The following RRAS2 variants were observed in gnomAD, a reference collection of about 807,000 sequenced individuals.
RRAS2 encodes ras-related protein R-Ras2.
A neutral mutation model predicts 27.6 loss-of-function variants in RRAS2; 7 were observed. That is an observed-to-expected ratio of 0.25 (90% CI 0.14 to 0.48). The LOEUF (loss-of-function observed/expected upper bound fraction) is 0.48, where lower values mean the gene tolerates loss of function less well. Among genes scored for constraint, RRAS2 ranks in the 20% least tolerant of loss-of-function variants. The probability of loss-of-function intolerance (pLI) is 0.99; values close to 1 mark genes in which losing one functional copy is unlikely to be tolerated. For missense variants in RRAS2, 178 were observed against 256.2 expected, an observed-to-expected ratio of 0.69 and a Z score of 2.08; for synonymous variants, 86 against 90.9, an observed-to-expected ratio of 0.95 and a Z score of 0.31.
At chr11:14,281,109 A>C (rs1458444740) in intron 5 of RRAS2, among the ~76,000 whole-genome samples, 1 of 152,226 alleles carries the variant, frequency 6.6e-6, no homozygotes, top group Non-Finnish European at 1.5e-5. Flanking sequence ...GGATAAAAAG[A>C]AAGGTAGGAG....
At chr11:14,362,346 AT>A (rs34401417), upstream of RRAS2, among the ~76,000 whole-genome samples, 5 of 151,954 alleles carry the variant, frequency 3.3e-5, no homozygotes, top group African/African-American at 7.3e-5. Flanking sequence ...CTATTCCTTT[AT>A]TTTTTTTATT....
intron 1 of RRAS2, among the ~76,000 whole-genome samples, chr11:14,343,325 T>A (rs1444261529): frequency 6.6e-6 from 1 of 152,214 alleles, no homozygotes; most frequent in Non-Finnish European, 1.5e-5. Context: ...AAGTTTTCCA[T>A]ACTATTTTCA....
In RRAS2 at chr11:14,358,905, G is replaced by T; in HGVS notation, c.-35C>A. Reference sequence around the variant, plus strand: ...ACAGAGCCCAGCCTGACTGCGCCGAGCCGCCGCTGCCGCCCGCCCTAGGCC... The same window carrying T: ...ACAGAGCCCAGCCTGACTGCGCCGATCCGCCGCTGCCGCCCGCCCTAGGCC... On this transcript the variant is annotated 5_prime_UTR_variant, in exon 1 of 6. Coordinates refer to ENST00000256196, the MANE Select transcript of RRAS2 (RefSeq NM_012250.6). The surrounding 1 kb of genome is among the most constrained non-coding windows in gnomAD (Gnocchi z 5.1). 1 of 1,321,302 alleles carries T rather than the reference G, an allele frequency of 7.6e-7. No homozygotes were observed. Among genetic ancestry groups the T allele is most frequent in the Non-Finnish European group, 9.8e-7 (1 of 1,024,228 alleles). 81.8% of individuals were successfully genotyped at this position (1,321,302 alleles called of 1,614,324 possible).
At position 14,294,849 on chromosome 11, in the gene RRAS2, T is replaced by C. The variant is rs781806680; in HGVS notation, c.210A>G (p.Ala70=). The stretch of plus-strand genomic sequence containing the variant: ...TCATGGCTCCAAACTCTTCTTGTCC[T>C]GCTGTATCCAAAACTAAAGAAAAAA... ...RAARLDILDT[A]GQEEFGAMRE... is the part of the protein sequence containing the mutation. Residue 70 remains alanine (A), a synonymous_variant, in exon 3 of 6, where the codon GCA becomes GCG. Coordinates refer to ENST00000256196, the MANE Select transcript of RRAS2 (RefSeq NM_012250.6). 1.7e-5 allele frequency: 28 copies of C among 1,613,392 alleles called. No individual in the cohort carries two copies. In the Admixed American group the frequency reaches 4.3e-4, roughly 25 times the overall value.
chr11:14,300,347 C>T (rs1233519140), intron 1 of RRAS2, among the ~76,000 whole-genome samples: 1 of 152,148 alleles, frequency 6.6e-6, no homozygotes, highest in Non-Finnish European at 1.5e-5. Context: ...ATTAGGGAAG[C>T]TATCACATTC....
At chr11:14,348,238 A>C (rs1848878943) in intron 1 of RRAS2, among the ~76,000 whole-genome samples, 1 of 152,188 alleles carries the variant, frequency 6.6e-6, no homozygotes, top group Non-Finnish European at 1.5e-5. Context: ...AGTAACATCA[A>C]AGATGTTGAC....
chr11:14,314,001 C>T (rs1429439555), intron 1 of RRAS2, among the ~76,000 whole-genome samples: 1 of 152,102 alleles, frequency 6.6e-6, no homozygotes, highest in Non-Finnish European at 1.5e-5. Context: ...TGTTATAAAA[C>T]AACACATCTT....
chr11:14,323,126 A>G (rs190003190), intron 1 of RRAS2, among the ~76,000 whole-genome samples: 1 of 152,242 alleles, frequency 6.6e-6, no homozygotes, highest in East Asian at 1.9e-4. Context: ...ATACGCCTAG[A>G]AAAATACAAA....
At chr11:14,303,474 T>C (rs1275086810) in intron 1 of RRAS2, among the ~76,000 whole-genome samples, 4 of 152,194 alleles carry the variant, frequency 2.6e-5, no homozygotes, top group African/African-American at 7.2e-5. Context: ...CAACAGTTCA[T>C]GCCTGTAATC....
At position 14,278,445 on chromosome 11, in the gene RRAS2, CTA is replaced by C. The variant is rs1849433577; in HGVS notation, c.*890_*891del. On this transcript the variant is annotated 3_prime_UTR_variant, in exon 6 of 6. Coordinates refer to ENST00000256196, the MANE Select transcript of RRAS2 (RefSeq NM_012250.6). ...ACAAACATATAAAAATACTTGTTAA[CTA>C]GTTTGATAAGAAAATAATGTATAAA... The C allele has an allele frequency of 6.6e-6, 1 of 152,192 alleles. No individual in the cohort carries two copies. Among genetic ancestry groups the C allele is most frequent in the Non-Finnish European group, 1.5e-5 (1 of 68,032 alleles). The allele number at this position is 152,192 out of a possible 1,614,324, so 9.4% of individuals were successfully genotyped here. A position where few individuals can be genotyped will look rare whatever the true frequency, so the allele number is the denominator to read the frequency against.
intron 1 of RRAS2, among the ~76,000 whole-genome samples, chr11:14,305,171 A>G (rs1554947928): frequency 6.6e-6 from 1 of 151,946 alleles, no homozygotes; most frequent in Non-Finnish European, 1.5e-5. Context: ...GCTAATATAT[A>G]TGTATTACCT....
intron 1 of RRAS2, among the ~76,000 whole-genome samples, chr11:14,316,038 C>G (rs143532497): frequency 8.0e-5 from 12 of 150,448 alleles, no homozygotes; most frequent in Admixed American, 2.6e-4. Context: ...ACAAAAAAAA[C>G]GTAGTTCAGA....
At chr11:14,310,864 T>C (rs1392044987) in intron 1 of RRAS2, among the ~76,000 whole-genome samples, 1 of 152,224 alleles carries the variant, frequency 6.6e-6, no homozygotes, top group Non-Finnish European at 1.5e-5. Context: ...ACCTATTGTG[T>C]GGCTACTGCT....
intron 1 of RRAS2, among the ~76,000 whole-genome samples, chr11:14,297,667 C>G (rs1304114035): frequency 1.3e-5 from 2 of 151,986 alleles, no homozygotes; most frequent in Non-Finnish European, 2.9e-5. Flanking sequence ...GAGGCTGAGA[C>G]AGAAGAACTG....
chr11:14,361,295 C>CA (rs879982384), upstream of RRAS2, among the ~76,000 whole-genome samples: 124 of 122,690 alleles, frequency 1.0e-3, no homozygotes, highest in East Asian at 2.8e-3. Flanking sequence ...AGAGCCGTCT[C>CA]AAAAAAAAAA....
At position 14,294,547 on chromosome 11, in the gene RRAS2, A is replaced by C; in HGVS notation, c.332T>G (p.Ile111Ser). Residue 111 changes from isoleucine (I) to serine (S), a missense_variant, in exon 4 of 6, where the codon ATT (isoleucine) becomes AGT (serine). Transcript: ENST00000256196. Reference protein sequence around the residue: ...FEEIYKFQRQILRVKDRDEFP... With the variant: ...FEEIYKFQRQSLRVKDRDEFP... ...CTCATCACGATCCTTTACTCTGAGA[A>C]TCTGTCTTTGAAACTTATAGATTTC... is the stretch of plus-strand genomic sequence containing the variant. 6.3e-7 allele frequency: 1 copy of C among 1,595,204 alleles called. No homozygotes were observed. Among genetic ancestry groups the C allele is most frequent in the Non-Finnish European group, 8.5e-7 (1 of 1,172,386 alleles).
chr11:14,351,544 C>T (rs902288278), intron 1 of RRAS2, among the ~76,000 whole-genome samples: 2 of 152,018 alleles, frequency 1.3e-5, no homozygotes, highest in South Asian at 2.1e-4. Context: ...CTGGCCAACA[C>T]GGTGAAACTC....
intron 1 of RRAS2, among the ~76,000 whole-genome samples, chr11:14,309,139 T>A (rs1185055027): frequency 6.6e-6 from 1 of 152,180 alleles, no homozygotes; most frequent in Non-Finnish European, 1.5e-5. Flanking sequence ...TCTAGACTGT[T>A]ACTTCCATTT....
intron 1 of RRAS2, among the ~76,000 whole-genome samples, chr11:14,318,216 C>T (rs142451620): frequency 5.3e-5 from 8 of 152,086 alleles, no homozygotes; most frequent in Admixed American, 2.0e-4. Flanking sequence ...TACTTGAGTG[C>T]AGCCGGGCGT....
Sources: allele counts gnomAD v4.1 joint callset (sites outside exome capture counted in the v4.1 genomes callset), GRCh38; gene constraint gnomAD v4.1.1; non-coding constraint Gnocchi (gnomAD v3.1); transcripts MANE v1.5; gene names NCBI Gene and HGNC (gene_info 2026-07-23, HGNC 2026-07-21).